DGKQ: variants seen among roughly 807,000 people sequenced by gnomAD.
DGKQ encodes the protein diacylglycerol kinase theta.
A neutral mutation model predicts 104.2 loss-of-function variants in DGKQ; 97 were observed. That is an observed-to-expected ratio of 0.93 (90% CI 0.79 to 1.10). DGKQ has a LOEUF of 1.10. Ranked by LOEUF, DGKQ falls within the 50% of genes least tolerant of loss-of-function variation. The pLI is 0.00. For missense variants in DGKQ, 1,465 were observed against 1,352.1 expected (o/e 1.08, Z -1.31); for synonymous variants, 736 against 595.2 (o/e 1.24, Z -3.44).
In DGKQ at chr4:961,908, C is replaced by T. The variant is rs1041796106; in HGVS notation, c.2315+74G>A. On this transcript the variant is annotated intron_variant, in intron 19 of 22. Transcript: ENST00000273814. ...CTTAGGCAGCCTCCGGGTTCCGGCCCCTCTGCCTGTTCCTGCTGGGGGACC... is the reference window on the plus strand; with the variant it reads ...CTTAGGCAGCCTCCGGGTTCCGGCCTCTCTGCCTGTTCCTGCTGGGGGACC... 96 of 1,607,724 alleles carry T rather than the reference C, an allele frequency of 6.0e-5. No individual in the cohort carries two copies. The African/African-American group carries it at 1.1e-3, about 18-fold the overall frequency.
At position 961,669 on chromosome 4, in the gene DGKQ, G is replaced by A; in HGVS notation, c.2462+19C>T. Reference sequence around the variant, plus strand: ...GGCCCCGCCGGGCAGAGCCTCTGGGGAGCCCCGCCCGCGAGCACCTGGGGA... The same window carrying A: ...GGCCCCGCCGGGCAGAGCCTCTGGGAAGCCCCGCCCGCGAGCACCTGGGGA... On this transcript the variant is annotated intron_variant, in intron 20 of 22. Coordinates refer to ENST00000273814, the MANE Select transcript of DGKQ (RefSeq NM_001347.4). The A allele has an allele frequency of 3.1e-6, 5 of 1,612,062 alleles. No homozygotes were observed. The highest frequency in any genetic ancestry group is 1.1e-5 in the South Asian group (1 of 91,070).
At chr4:962,411 AC>A (rs1157219717) in intron 18 of DGKQ, 23 bp downstream of exon 18, 1 of 1,534,206 alleles carries the variant, frequency 6.5e-7, no homozygotes. Context: ...CCTGGAAGGC[AC>A]CCCACGCCGG....
rs1712494373 is a variant in DGKQ, at chr4:967,536, G to C, written c.987+13C>G. The stretch of plus-strand genomic sequence containing the variant: ...TGGGAGGGGGCTCAGACCTCCCCCA[G>C]CCTCCCCCTTACCAGCACCTCCTCG... On this transcript the variant is annotated intron_variant, in intron 8 of 22. Transcript: ENST00000273814. The C allele has an allele frequency of 6.2e-7, 1 of 1,610,068 alleles. No homozygotes were observed. The highest frequency in any genetic ancestry group is 8.5e-7 in the Non-Finnish European group (1 of 1,178,228).
chr4:962,902 C>T lies in DGKQ; in HGVS notation c.1905G>A (p.Gln635=), dbSNP rs910254543. 3.1e-6 allele frequency: 5 copies of T among 1,609,348 alleles called. No individual in the cohort carries two copies. The highest frequency in any genetic ancestry group is 2.2e-5 in the East Asian group (1 of 44,698). The change falls in exon 17 of 23, where the codon CAG becomes CAA. Residue 635 remains glutamine, a synonymous_variant. Coordinates refer to ENST00000273814, the MANE Select transcript of DGKQ (RefSeq NM_001347.4). Reference sequence around the variant, plus strand: ...ACACCAGCACCCGGAAGCAGGGCACCTGGGAGAACAGGTGGAGCCTAGCGG... The same window carrying T: ...ACACCAGCACCCGGAAGCAGGGCACTTGGGAGAACAGGTGGAGCCTAGCGG... ...GPLPGLHLFS[Q]VPCFRVLVCG... is the part of the protein sequence containing the mutation.
intron 21 of DGKQ, 36 bp downstream of exon 21, chr4:961,431 C>G: frequency 6.4e-7 from 1 of 1,554,804 alleles, no homozygotes; most frequent in Non-Finnish European, 8.7e-7. Context: ...GGGACGCCCA[C>G]CCTGGGCTCG....
At chr4:966,861 G>C in intron 10 of DGKQ, 59 bp from the exon 11 acceptor site, 1 of 1,571,380 alleles carries the variant, frequency 6.4e-7, no homozygotes, top group South Asian at 1.2e-5. Flanking sequence ...CAGGACACCC[G>C]CGGGGACAGC....
chr4:966,729 G>A lies in DGKQ; in HGVS notation c.1366+19C>T, dbSNP rs776091464. 13 of 1,602,052 alleles carry A rather than the reference G, an allele frequency of 8.1e-6. No individual in the cohort carries two copies. Among genetic ancestry groups the A allele is most frequent in the Middle Eastern group, 1.7e-4 (1 of 6,058 alleles). On this transcript the variant is annotated intron_variant, in intron 11 of 22. Transcript: ENST00000273814. ...AAAGGTGCAGGGACCGCCACGCCCA[G>A]CACGGGCTGTCTACTCACCGTGCCT...
chr4:971,109 C>G lies in DGKQ; in HGVS notation c.272-37G>C. On this transcript the variant is annotated intron_variant, in intron 1 of 22. Coordinates refer to ENST00000273814, the MANE Select transcript of DGKQ (RefSeq NM_001347.4). This position sits in a 1 kb window ranked among gnomAD's most constrained non-coding sequence, Gnocchi z 4.0. ...AGCACTGTGTGAGTTGGCCCCTGTC[C>G]TACCCAATGGCTGTCCTACCCAGGA... is the stretch of plus-strand genomic sequence containing the variant. The G allele has an allele frequency of 6.7e-7, 1 of 1,491,396 alleles. No individual in the cohort carries two copies. Among genetic ancestry groups the G allele is most frequent in the South Asian group, 1.2e-5 (1 of 82,626 alleles). 92.4% of individuals were successfully genotyped at this position (1,491,396 alleles called of 1,614,324 possible). A position where few individuals can be genotyped will look rare whatever the true frequency, so the allele number is the denominator to read the frequency against.
chr4:972,262 C>T (rs917187555), intron 1 of DGKQ, among the ~76,000 whole-genome samples: 1 of 152,164 alleles, frequency 6.6e-6, no homozygotes, highest in African/African-American at 2.4e-5. Context: ...TGGGGAAGCC[C>T]CTGGCATCCC....
rs1403407820 is a variant in DGKQ, at chr4:962,826, G to A, written c.1981C>T (p.Arg661Trp). The A allele has an allele frequency of 3.1e-6, 5 of 1,606,346 alleles. No homozygotes were observed. Among genetic ancestry groups the A allele is most frequent in the Non-Finnish European group, 2.5e-6 (3 of 1,177,368 alleles). The part of the protein sequence containing the change: ...GWVLGALEET[R>W]YRLACPEPSV... ...GGCTCCGGGCAGGCCAGTCGGTACC[G>A]TGTCTCCTCCAGGGCGCCAAGCACC... Residue 661 changes from arginine to tryptophan, a missense_variant, in exon 17 of 23, where the codon CGG (arginine) becomes TGG (tryptophan). Physicochemically the swap from Arg to Trp is moderately radical, Grantham distance 101. Transcript: ENST00000273814.
intron 2 of DGKQ, among the ~76,000 whole-genome samples, chr4:969,670 C>CAT: frequency 6.8e-6 from 1 of 147,776 alleles, no homozygotes; most frequent in South Asian, 2.1e-4. Context: ...AGTGCAGTGG[C>CAT]GTGATCTCGG....
rs376863832 is a variant in DGKQ, at chr4:966,993, G to C, written c.1282C>G (p.Leu428Val). 6.4e-7 allele frequency: 1 copy of C among 1,566,030 alleles called. No homozygotes were observed. Among genetic ancestry groups the C allele is most frequent in the Non-Finnish European group, 8.6e-7 (1 of 1,158,058 alleles). Reference protein sequence around the residue: ...TPKSTARSVVLEVLPLLGRQA... With the variant: ...TPKSTARSVVVEVLPLLGRQA... The stretch of plus-strand genomic sequence containing the variant: ...CGGCCGAGCAGCGGCAGGACCTCCA[G>C]CACCACAGAGCGGGCCGTGCTCTTC... Residue 428 changes from leucine (L) to valine (V), a missense_variant, in exon 10 of 23, where the codon CTG (leucine) becomes GTG (valine). Transcript: ENST00000273814.
In DGKQ at chr4:961,813, G is replaced by A. The variant is rs750013100; in HGVS notation, c.2337C>T (p.Tyr779=). ...TGATCTTCTGCAGCCCCACCCGCAC[G>A]TACACACCCTTGTTGTGCAGCCTGC... ...FTSRLHNKGV[Y]VRVGLQKISH... The change falls in exon 20 of 23, where the codon TAC becomes TAT. Residue 779 remains tyrosine, a synonymous_variant. Coordinates refer to ENST00000273814, the MANE Select transcript of DGKQ (RefSeq NM_001347.4). The A allele has an allele frequency of 1.1e-5, 17 of 1,605,114 alleles. No individual in the cohort carries two copies. Among genetic ancestry groups the A allele is most frequent in the Admixed American group, 1.0e-4 (6 of 59,410 alleles).
rs371306795 is a variant in DGKQ at position 966,010 on chromosome 4, G to C, written c.1497C>G (p.Val499=). Residue 499 remains valine (V), a synonymous_variant, in exon 13 of 23, where the codon GTC becomes GTG. Transcript: ENST00000273814. ...GAGGCAGGCCGCCAACAAACAGGGA[G>C]ACGTGCGGGGCTACATCCCTGCTCT... ...VAESRDVAPH[V]SLFVGGLPPG... is the part of the protein sequence containing the mutation. The C allele has an allele frequency of 1.1e-5, 17 of 1,605,484 alleles. No individual in the cohort carries two copies. In the Admixed American group the frequency reaches 1.4e-4, roughly 13 times the overall value.
chr4:963,387 A>C (rs1221324517), intron 15 of DGKQ, 97 bp from the exon 16 acceptor site: 7 of 1,227,690 alleles, frequency 5.7e-6, no homozygotes, highest in African/African-American at 1.5e-5. Context: ...CCCTGAGCCC[A>C]CCTGGCTTGG....
chr4:964,221 CG>C, intron 15 of DGKQ: 1 of 154,454 alleles, frequency 6.5e-6, no homozygotes. Flanking sequence ...CAGGCAAGGC[CG>C]GGTGTAGGGG....
rs1234378483 is a variant in DGKQ, at chr4:963,277, G to A, written c.1748C>T (p.Pro583Leu). The change falls in exon 16 of 23, where the codon CCC becomes CTC. Residue 583 changes from proline (P) to leucine (L), a missense_variant. By Grantham distance (98) the Pro-to-Leu change is moderately conservative. Transcript: ENST00000273814. Reference protein sequence around the residue: ...VLPDLLHAKLPPDSCPLLVFV... With the variant: ...VLPDLLHAKLLPDSCPLLVFV... ...CACAAGGAGGGGACAGCTGTCTGGG[G>A]GCAGCTTCGCGTGCTGACAGACAGG... The A allele has an allele frequency of 3.1e-6, 5 of 1,602,760 alleles. No homozygotes were observed. The highest frequency in any genetic ancestry group is 4.3e-6 in the Non-Finnish European group (5 of 1,171,808).
chr4:971,096 G>A lies in DGKQ; in HGVS notation c.272-24C>T. 1 of 1,538,114 alleles carries A rather than the reference G, an allele frequency of 6.5e-7. No homozygotes were observed. On this transcript the variant is annotated intron_variant, in intron 1 of 22. Transcript: ENST00000273814. The surrounding 1 kb of genome is among the most constrained non-coding windows in gnomAD (Gnocchi z 4.0). ...GACTGTGGGAATGAGCACTGTGTGA[G>A]TTGGCCCCTGTCCTACCCAATGGCT...
rs1713075021 is a variant in DGKQ at position 973,194 on chromosome 4, T to C, written c.271+18A>G. ...AGGCAGGGCTGCAGCCGGGTAGGCATCGGGCCCGGGCGCTCACCGTCGCAC... is the reference window on the plus strand; with the variant it reads ...AGGCAGGGCTGCAGCCGGGTAGGCACCGGGCCCGGGCGCTCACCGTCGCAC... On this transcript the variant is annotated intron_variant, in intron 1 of 22. Coordinates refer to ENST00000273814, the MANE Select transcript of DGKQ (RefSeq NM_001347.4). The C allele has an allele frequency of 6.5e-7, 1 of 1,532,572 alleles. No homozygotes were observed. 94.9% of individuals were successfully genotyped at this position (1,532,572 alleles called of 1,614,324 possible).
Sources: gnomAD v4.1 joint callset for allele counts (sites outside exome capture counted in the v4.1 genomes callset) on GRCh38, gnomAD v4.1.1 for gene constraint, Gnocchi (gnomAD v3.1) non-coding constraint, MANE v1.5 for transcripts, NCBI Gene and HGNC (gene_info 2026-07-23, HGNC 2026-07-21) for gene names.